Variants in HERC3 observed in about 807,000 individuals in gnomAD.
HERC3 encodes the protein HECT and RLD domain containing E3 ubiquitin protein ligase 3, also known as probable E3 ubiquitin-protein ligase HERC3.
HERC3 carries 58 observed loss-of-function variants against 129.9 expected under a neutral mutation model. The ratio of observed to expected loss-of-function variants is 0.45; its 90% CI spans 0.36 to 0.56. The LOEUF (loss-of-function observed/expected upper bound fraction) is 0.56, where lower values mean the gene tolerates loss of function less well. Among genes scored for constraint, HERC3 ranks in the 20% least tolerant of loss-of-function variants. The pLI is 0.00. For missense variants in HERC3, 835 were observed against 1,244.2 expected (o/e 0.67, Z 4.95); for synonymous variants, 430 against 451.0 (o/e 0.95, Z 0.59).
rs1297444706 is a variant in HERC3 at position 88,700,943 on chromosome 4, C to G, written c.2658-3155C>G. ...GCCTACCCACATTATGGAGGGTAACCTGCTTTACTCAAAGTCAATGAATTT... is the reference window on the plus strand; with the variant it reads ...GCCTACCCACATTATGGAGGGTAACGTGCTTTACTCAAAGTCAATGAATTT... On this transcript the variant is annotated intron_variant, in intron 23 of 25. Transcript: ENST00000402738. Among the ~76,000 whole-genome samples the G allele has an allele frequency of 2.0e-5, 3 of 152,276 alleles. No homozygotes were observed. In the South Asian group the frequency reaches 6.2e-4, roughly 32 times the overall value.
chr4:88,590,170 A>G (rs1041530423), upstream of HERC3, among the ~76,000 whole-genome samples: 3 of 151,262 alleles, frequency 2.0e-5, no homozygotes, highest in African/African-American at 7.3e-5. Context: ...CGGGAGGCTG[A>G]GGCAGGAGAA....
At chr4:88,592,601 AGGGAGG>A (rs1560648110) in intron 1 of HERC3, 27 bp downstream of exon 1, 1 of 152,256 alleles carries the variant, frequency 6.6e-6, no homozygotes, top group Non-Finnish European at 1.5e-5. Flanking sequence ...CCGGGGTTCC[AGGGAGG>A]GGGGTACGGC....
chr4:88,563,125 A>G, the HERC3 span, among the ~76,000 whole-genome samples: 2 of 152,158 alleles, frequency 1.3e-5, no homozygotes, highest in Non-Finnish European at 2.9e-5. Flanking sequence ...GATTATTCCA[A>G]TTTATGTACA....
At chr4:88,660,260 G>A (rs1730348238) in intron 10 of HERC3, among the ~76,000 whole-genome samples, 1 of 151,448 alleles carries the variant, frequency 6.6e-6, no homozygotes, top group East Asian at 1.9e-4. Flanking sequence ...GGGGTACAAT[G>A]GCGTGATCCC....
In HERC3 at chr4:88,658,439, A is replaced by G; in HGVS notation, c.1094A>G (p.Lys365Arg). The change falls in exon 10 of 26, where the codon AAG (lysine) becomes AGG (arginine). Residue 365 changes from lysine to arginine, a missense_variant. Physicochemically the swap from Lys to Arg is conservative, Grantham distance 26. Transcript: ENST00000402738. ...GATCGCTTTAAATATCATATCGTTAAGCAGATCTTCTCTGGAGGAGACCAG... is the reference window on the plus strand; with the variant it reads ...GATCGCTTTAAATATCATATCGTTAGGCAGATCTTCTCTGGAGGAGACCAG... Reference protein sequence around the residue: ...RADRFKYHIVKQIFSGGDQTF... With the variant: ...RADRFKYHIVRQIFSGGDQTF... 1 of 1,603,070 alleles carries G rather than the reference A, an allele frequency of 6.2e-7. No homozygotes were observed. Among genetic ancestry groups the G allele is most frequent in the Non-Finnish European group, 8.5e-7 (1 of 1,174,142 alleles).
intron 3 of HERC3, among the ~76,000 whole-genome samples, chr4:88,622,241 T>C (rs1217574718): frequency 2.0e-5 from 3 of 152,250 alleles, no homozygotes; most frequent in African/African-American, 7.2e-5. Context: ...TGATACGATA[T>C]GTGGTCTTCT....
intron 3 of HERC3, among the ~76,000 whole-genome samples, chr4:88,634,013 A>G (rs1727070376): frequency 6.6e-6 from 1 of 152,188 alleles, no homozygotes; most frequent in South Asian, 2.1e-4. Context: ...TTAATCTTGC[A>G]CCGGCAACCA....
chr4:88,559,472 T>C, the HERC3 span, among the ~76,000 whole-genome samples: 1 of 152,228 alleles, frequency 6.6e-6, no homozygotes, highest in Admixed American at 6.5e-5. Context: ...ACTGTTTTGT[T>C]CTCTATCTCT....
intron 3 of HERC3, among the ~76,000 whole-genome samples, chr4:88,640,399 A>G (rs1404699134): frequency 6.6e-6 from 1 of 152,244 alleles, no homozygotes; most frequent in Non-Finnish European, 1.5e-5. Flanking sequence ...CAGCCATGAA[A>G]AGGAATGAGA....
chr4:88,598,522 G>A (rs1289316369), intron 2 of HERC3, among the ~76,000 whole-genome samples: 1 of 152,202 alleles, frequency 6.6e-6, no homozygotes. Flanking sequence ...CCTCTTTTGG[G>A]AATTGTCCTG....
chr4:88,606,198 A>T, intron 3 of HERC3, 149 bp downstream of exon 3: 5 of 542,796 alleles, frequency 9.2e-6, no homozygotes, highest in South Asian at 3.0e-5. Flanking sequence ...CCTGTTTGGA[A>T]CCCTTGTGTC....
At chr4:88,690,747 CTCTT>C (rs751524579) in intron 23 of HERC3, 17 of 362,278 alleles carry the variant, frequency 4.7e-5, no homozygotes, top group Non-Finnish European at 5.4e-5. Flanking sequence ...CTTTTTTGTT[CTCTT>C]TCTGAGTCTG....
chr4:88,682,484 C>T (rs1367686662), intron 21 of HERC3, among the ~76,000 whole-genome samples: 1 of 141,970 alleles, frequency 7.0e-6, no homozygotes, highest in African/African-American at 2.6e-5. Flanking sequence ...CCCCCCACCC[C>T]ACAACAGGCC....
intron 23 of HERC3, among the ~76,000 whole-genome samples, chr4:88,692,109 C>T (rs1397332285): frequency 2.0e-5 from 3 of 152,140 alleles, no homozygotes; most frequent in Non-Finnish European, 4.4e-5. Flanking sequence ...CTGGTGGCTG[C>T]ATCATAGACA....
intron 18 of HERC3, among the ~76,000 whole-genome samples, chr4:88,676,850 T>C (rs914740902): frequency 6.6e-6 from 1 of 152,110 alleles, no homozygotes; most frequent in African/African-American, 2.4e-5. Context: ...ATTAAAAAAA[T>C]GTAGAAACCA....
chr4:88,687,267 G>A lies in HERC3; in HGVS notation c.2625G>A (p.Gly875=). 6.2e-7 allele frequency: 1 copy of A among 1,612,806 alleles called. No individual in the cohort carries two copies. Among genetic ancestry groups the A allele is most frequent in the South Asian group, 1.1e-5 (1 of 91,000 alleles). The change falls in exon 23 of 26, where the codon GGG becomes GGA. Residue 875 remains glycine (G), a synonymous_variant. Transcript: ENST00000402738. ...TTGAACAGAAGAAGCTGATACCTGG[G>A]GGAGATAATGTAACTGTGTGCAAGG... ...GVIEQKKLIP[G]GDNVTVCKDN...
chr4:88,524,972 T>C, the HERC3 span: 1 of 152,122 alleles, frequency 6.6e-6, no homozygotes, highest in African/African-American at 2.4e-5. Flanking sequence ...AACTGACAAA[T>C]GTTTATATGT....
At position 88,706,939 on chromosome 4, in the gene HERC3, T is replaced by G. The variant is rs755533597; in HGVS notation, c.3132T>G (p.Tyr1044Ter). ...GGCTGACCCAGGCCCTTGACAACTA[T>G]GAAGGGTTTAGTTTGGCCTGAGGCT... Reference protein sequence around the residue: ...SARLTQALDNYEGFSLA With the variant: ...SARLTQALDN The change falls in exon 26 of 26, where the codon TAT becomes TAG. Residue 1044 changes from tyrosine (Y) to a stop codon, truncating the protein, a stop_gained. Coordinates refer to ENST00000402738, the MANE Select transcript of HERC3 (RefSeq NM_014606.3). LOFTEE classifies it high-confidence loss of function. 2 of 1,614,170 alleles carry G rather than the reference T, an allele frequency of 1.2e-6. No individual in the cohort carries two copies. The highest frequency in any genetic ancestry group is 1.7e-5 in the Admixed American group (1 of 60,030).
intron 16 of HERC3, among the ~76,000 whole-genome samples, chr4:88,670,905 A>G (rs528913461): frequency 1.2e-3 from 179 of 152,110 alleles, no homozygotes; most frequent in South Asian, 5.0e-3. Flanking sequence ...TATCCCTGAC[A>G]TTGAGGAAGG....
Sources: gnomAD v4.1 joint callset for allele counts (sites outside exome capture counted in the v4.1 genomes callset) on GRCh38, gnomAD v4.1.1 for gene constraint, MANE v1.5 for transcripts, NCBI Gene and HGNC (gene_info 2026-07-23, HGNC 2026-07-21) for gene names.